ITPR1: variants seen among roughly 807,000 people sequenced by gnomAD.
The protein encoded by ITPR1 is inositol 1,4,5-trisphosphate receptor type 1.
Under a neutral mutation model 318.4 loss-of-function variants are expected in ITPR1, and 96 were observed. The ratio of observed to expected loss-of-function variants is 0.30; its 90% CI spans 0.26 to 0.36. ITPR1 has a LOEUF of 0.36. ITPR1 is among the 10% of genes least tolerant of loss of function. The pLI, the probability that ITPR1 is intolerant of heterozygous loss-of-function variation, is 1.00. For missense variants in ITPR1, 2,440 were observed against 3,460.2 expected, an observed-to-expected ratio of 0.71 and a Z score of 7.40; for synonymous variants, 1,312 against 1,289.9, an observed-to-expected ratio of 1.02 and a Z score of -0.37.
rs1251300128 is a variant in ITPR1 at position 4,783,799 on chromosome 3, C to G, written c.6511-17C>G. The G allele has an allele frequency of 8.3e-6, 13 of 1,573,348 alleles. No individual in the cohort carries two copies. The highest frequency in any genetic ancestry group is 1.1e-5 in the Non-Finnish European group (13 of 1,154,610). On this transcript the variant is annotated splice_polypyrimidine_tract_variant and intron_variant, in intron 50 of 61. Coordinates refer to ENST00000649015, the MANE Select transcript of ITPR1 (RefSeq NM_001378452.1). Reference sequence around the variant, plus strand: ...GAAGAGACACCAACCTCCTGTATCTCTGTCCCTGTATTCTAGTTGGCTCGG... The same window carrying G: ...GAAGAGACACCAACCTCCTGTATCTGTGTCCCTGTATTCTAGTTGGCTCGG...
intron 4 of ITPR1, 95 bp downstream of exon 4, chr3:4,521,189 G>A (rs1233378160): frequency 6.7e-6 from 5 of 747,116 alleles, no homozygotes; most frequent in Admixed American, 2.7e-5. Flanking sequence ...AAGCAAAATA[G>A]GCTTATTTAT....
chr3:4,588,854 T>C (rs181753894), intron 4 of ITPR1, among the ~76,000 whole-genome samples: 42 of 152,274 alleles, frequency 2.8e-4, no homozygotes, highest in African/African-American at 8.9e-4. Flanking sequence ...TTGATTTCTC[T>C]CCCTCCCTCA....
chr3:4,516,321 G>A (rs1478455317), intron 2 of ITPR1, among the ~76,000 whole-genome samples, 155 bp from the exon 3 acceptor site: 1 of 152,150 alleles, frequency 6.6e-6, no homozygotes, highest in Non-Finnish European at 1.5e-5. Context: ...GTCCTTACTT[G>A]GCTCATTGAA....
chr3:4,707,599 G>A (rs980382112), intron 37 of ITPR1, among the ~76,000 whole-genome samples: 13 of 152,052 alleles, frequency 8.5e-5, no homozygotes, highest in African/African-American at 2.9e-4. Flanking sequence ...TCAGGGGGAG[G>A]GAATCTAGAC....
intron 44 of ITPR1, among the ~76,000 whole-genome samples, chr3:4,762,976 A>G (rs775956708): frequency 1.3e-5 from 2 of 152,262 alleles, no homozygotes; most frequent in African/African-American, 2.4e-5. Context: ...AAGAAATTAT[A>G]GTACATAAAC....
chr3:4,564,878 T>C (rs974107547), intron 4 of ITPR1, among the ~76,000 whole-genome samples: 2 of 152,144 alleles, frequency 1.3e-5, no homozygotes, highest in African/African-American at 4.8e-5. Flanking sequence ...GCTAGACAAA[T>C]TCTAAAAGAG....
intron 44 of ITPR1, among the ~76,000 whole-genome samples, chr3:4,760,066 C>T (rs746164417): frequency 6.6e-6 from 1 of 152,266 alleles, no homozygotes; most frequent in Non-Finnish European, 1.5e-5. Context: ...TGACTCCGGC[C>T]TCACTGCTGG....
intron 4 of ITPR1, among the ~76,000 whole-genome samples, chr3:4,610,774 T>C (rs527724354): frequency 6.6e-6 from 1 of 152,138 alleles, no homozygotes. Context: ...TCCGCCCAGC[T>C]ATGGCCTCCT....
chr3:4,721,046 T>C (rs558047274), intron 40 of ITPR1, among the ~76,000 whole-genome samples: 2 of 151,588 alleles, frequency 1.3e-5, no homozygotes, highest in South Asian at 4.2e-4. Flanking sequence ...TGTTAGACAC[T>C]GGCAACCACA....
At chr3:4,699,182 C>T (rs1422173890) in intron 34 of ITPR1, among the ~76,000 whole-genome samples, 3 of 124,198 alleles carry the variant, frequency 2.4e-5, no homozygotes, top group African/African-American at 7.6e-5. Context: ...AACCCCATCT[C>T]TACTAAAAAA....
intron 2 of ITPR1, among the ~76,000 whole-genome samples, chr3:4,495,253 A>T (rs1325040299): frequency 6.6e-6 from 1 of 151,662 alleles, no homozygotes; most frequent in South Asian, 2.1e-4. Flanking sequence ...TTTTCTCCTG[A>T]AATGTTCAGG....
chr3:4,537,737 T>G (rs543124103), intron 4 of ITPR1, among the ~76,000 whole-genome samples: 1 of 151,398 alleles, frequency 6.6e-6, no homozygotes, highest in Non-Finnish European at 1.5e-5. Context: ...GATTCTCTCT[T>G]GAAGTCTCCA....
At chr3:4,543,665 A>T (rs779564303) in intron 4 of ITPR1, among the ~76,000 whole-genome samples, 4 of 151,994 alleles carry the variant, frequency 2.6e-5, no homozygotes, top group Non-Finnish European at 5.9e-5. Context: ...CTGGTCTTGA[A>T]CTCCTGATCT....
chr3:4,756,578 A>G (rs2633719), intron 44 of ITPR1, among the ~76,000 whole-genome samples: 134,686 of 152,134 alleles, frequency 0.89, 60,106 homozygotes, highest in Middle Eastern at 0.98. Flanking sequence ...CAGAACGTGC[A>G]GTATTTGGTT....
At chr3:4,590,395 T>C (rs765949018) in intron 4 of ITPR1, among the ~76,000 whole-genome samples, 1 of 151,734 alleles carries the variant, frequency 6.6e-6, no homozygotes, top group East Asian at 1.9e-4. Flanking sequence ...ATGAGAGTAG[T>C]CAGTGGTTGA....
chr3:4,765,966 C>T (rs541163269), intron 44 of ITPR1, among the ~76,000 whole-genome samples: 1 of 152,310 alleles, frequency 6.6e-6, no homozygotes, highest in South Asian at 2.1e-4. Context: ...ATAGTGTCAT[C>T]CTCACCAGCT....
At chr3:4,598,023 G>A (rs1470220058) in intron 4 of ITPR1, among the ~76,000 whole-genome samples, 2 of 152,252 alleles carry the variant, frequency 1.3e-5, no homozygotes, top group African/African-American at 2.4e-5. Flanking sequence ...GTGACTGAGT[G>A]CCTGCTGAGT....
At position 4,610,961 on chromosome 3, in the gene ITPR1, CT is replaced by C. The variant is rs1468027194; in HGVS notation, c.164-16800del. On this transcript the variant is annotated intron_variant, in intron 4 of 61. Transcript: ENST00000649015. ...CCTTCCTCTTCCCCTTCCCCTTCCC[CT>C]TCCCCCTTCCCCCTCCTTCTCCTTC... Among the ~76,000 whole-genome samples the C allele has an allele frequency of 1.6e-3, 144 of 89,194 alleles. 1 individual carries two copies. Among genetic ancestry groups the C allele is most frequent in the African/African-American group, 6.0e-3 (135 of 22,590 alleles). 58.5% of individuals were successfully genotyped at this position (89,194 alleles called of 152,430 possible).
rs556178520 is a variant in ITPR1 at position 4,737,570 on chromosome 3, G to A, written c.5544+2216G>A. Reference sequence around the variant, plus strand: ...TAGAAGTGAAGGGCCTTGGATGGGGGTTGGGGTTCATATATAGGAGCAGTG... The same window carrying A: ...TAGAAGTGAAGGGCCTTGGATGGGGATTGGGGTTCATATATAGGAGCAGTG... On this transcript the variant is annotated intron_variant, in intron 44 of 61. Coordinates refer to ENST00000649015, the MANE Select transcript of ITPR1 (RefSeq NM_001378452.1). 3.9e-5 allele frequency among the ~76,000 whole-genome samples: 6 copies of A among 152,318 alleles called. No individual in the cohort carries two copies. In the East Asian group the frequency reaches 1.2e-3, roughly 29 times the overall value.
Sources: gnomAD v4.1 joint callset for allele counts (sites outside exome capture counted in the v4.1 genomes callset) on GRCh38, gnomAD v4.1.1 for gene constraint, MANE v1.5 for transcripts, NCBI Gene and HGNC (gene_info 2026-07-23, HGNC 2026-07-21) for gene names.